Variants in LMAN2 observed in about 807,000 individuals in gnomAD.
The protein encoded by LMAN2 is vesicular integral-membrane protein VIP36.
LMAN2 carries 22 observed loss-of-function variants against 39.3 expected under a neutral mutation model. The ratio of observed to expected loss-of-function variants is 0.56; its 90% CI spans 0.40 to 0.80. The LOEUF (loss-of-function observed/expected upper bound fraction) is 0.80, where lower values mean the gene tolerates loss of function less well. Ranked by LOEUF, LMAN2 falls within the 30% of genes least tolerant of loss-of-function variation. LMAN2 has a pLI of 0.00. For synonymous variants in LMAN2, 207 were observed against 207.8 expected, an observed-to-expected ratio of 1.00 and a Z score of 0.03; for missense variants, 494 against 505.4, an observed-to-expected ratio of 0.98 and a Z score of 0.22.
At chr5:177,347,297 C>T (rs1761650352) in intron 2 of LMAN2, among the ~76,000 whole-genome samples, 2 of 152,044 alleles carry the variant, frequency 1.3e-5, no homozygotes, top group Non-Finnish European at 2.9e-5. Flanking sequence ...AAGGAAAACC[C>T]ACACACCCAT....
chr5:177,344,926 A>G (rs1405293534), intron 2 of LMAN2, among the ~76,000 whole-genome samples: 2 of 150,282 alleles, frequency 1.3e-5, no homozygotes, highest in Non-Finnish European at 2.9e-5. Context: ...AAGAAAAGAA[A>G]AGAAGAGAAA....
chr5:177,339,695 G>A (rs966131328), intron 2 of LMAN2, among the ~76,000 whole-genome samples: 2 of 152,208 alleles, frequency 1.3e-5, no homozygotes, highest in African/African-American at 2.4e-5. Context: ...ATGCAGATGA[G>A]CATGAAGAGA....
intron 6 of LMAN2, among the ~76,000 whole-genome samples, chr5:177,334,805 C>T (rs1292867779): frequency 1.3e-5 from 2 of 152,188 alleles, no homozygotes; most frequent in African/African-American, 2.4e-5. Flanking sequence ...AAAACAGACC[C>T]GGGAAAGACC....
chr5:177,332,859 G>A lies in LMAN2; in HGVS notation c.911-613C>T, dbSNP rs1358001851. Among the ~76,000 whole-genome samples, 1 of 152,182 alleles carries A rather than the reference G, an allele frequency of 6.6e-6. No individual in the cohort carries two copies. The highest frequency in any genetic ancestry group is 1.5e-5 in the Non-Finnish European group (1 of 68,024). ...ACTTTCCCAAGCTCTCCAGGCTGTGGGTGGAGGAGCTGGGGTCTGGCTGGG... is the reference window on the plus strand; with the variant it reads ...ACTTTCCCAAGCTCTCCAGGCTGTGAGTGGAGGAGCTGGGGTCTGGCTGGG... On this transcript the variant is annotated intron_variant, in intron 7 of 7. Transcript: ENST00000303127. This position sits in a 1 kb window ranked among gnomAD's most constrained non-coding sequence, Gnocchi z 6.3.
intron 2 of LMAN2, among the ~76,000 whole-genome samples, chr5:177,339,018 C>T (rs991217098): frequency 1.3e-5 from 2 of 152,370 alleles, no homozygotes; most frequent in Non-Finnish European, 1.5e-5. Flanking sequence ...AAGTATTTTA[C>T]AGGAAAACAA....
At chr5:177,339,085 G>A (rs996099375) in intron 2 of LMAN2, among the ~76,000 whole-genome samples, 6 of 152,190 alleles carry the variant, frequency 3.9e-5, no homozygotes, top group East Asian at 1.9e-4. Context: ...GGACTCACGC[G>A]CAGGGCTTTC....
chr5:177,341,054 CT>C (rs1192615345), intron 2 of LMAN2, among the ~76,000 whole-genome samples: 4 of 127,222 alleles, frequency 3.1e-5, no homozygotes, highest in Non-Finnish European at 4.8e-5. Flanking sequence ...CACGCCCAGC[CT>C]TTTTTTTTCT....
rs769121880 is a variant in LMAN2 at position 177,337,712 on chromosome 5, G to T, written c.507C>A (p.Thr169=). The T allele has an allele frequency of 5.0e-6, 8 of 1,613,858 alleles. No individual in the cohort carries two copies. The highest frequency in any genetic ancestry group is 6.8e-6 in the Non-Finnish European group (8 of 1,179,926). ...GGATAGAGCAGGGGCCTACCTCAGT[G>T]GTCTCATCATTGGGGTAGGTGTCCA... ...IFLDTYPNDE[T]TERVFPYISV... Residue 169 remains threonine (T), a synonymous_variant, in exon 4 of 8, where the codon ACC becomes ACA. Coordinates refer to ENST00000303127, the MANE Select transcript of LMAN2 (RefSeq NM_006816.3). The surrounding 1 kb of genome is among the most constrained non-coding windows in gnomAD (Gnocchi z 8.2).
intron 2 of LMAN2, among the ~76,000 whole-genome samples, chr5:177,347,719 ACAGT>A (rs1452824373): frequency 6.6e-6 from 1 of 152,216 alleles, no homozygotes; most frequent in East Asian, 1.9e-4. Flanking sequence ...GATGTAATCA[ACAGT>A]CAGCCGAAAC....
At chr5:177,344,211 C>T (rs559617853) in intron 2 of LMAN2, among the ~76,000 whole-genome samples, 1 of 151,094 alleles carries the variant, frequency 6.6e-6, no homozygotes, top group African/African-American at 2.4e-5. Context: ...AAGTGAGACC[C>T]CCCCCATCTC....
chr5:177,348,770 G>C (rs1761676865), intron 2 of LMAN2, among the ~76,000 whole-genome samples: 1 of 145,834 alleles, frequency 6.9e-6, no homozygotes. Flanking sequence ...TGTAATTCCA[G>C]CTACTCAGGG....
chr5:177,335,809 G>C (rs1761460842), intron 6 of LMAN2, among the ~76,000 whole-genome samples: 1 of 152,184 alleles, frequency 6.6e-6, no homozygotes, highest in Non-Finnish European at 1.5e-5. Context: ...CCCTGGAATG[G>C]GTCATCCTGA....
Position 177,332,041 on chromosome 5 carries a change from A to T in LMAN2, c.*45T>A. The T allele has an allele frequency of 6.5e-7, 1 of 1,535,102 alleles. No homozygotes were observed. The highest frequency in any genetic ancestry group is 8.8e-7 in the Non-Finnish European group (1 of 1,139,326). On this transcript the variant is annotated 3_prime_UTR_variant, in exon 8 of 8. Coordinates refer to ENST00000303127, the MANE Select transcript of LMAN2 (RefSeq NM_006816.3). This position sits in a 1 kb window ranked among gnomAD's most constrained non-coding sequence, Gnocchi z 6.3. ...ATAATCCCGGTAAAAAAAAAAGTTC[A>T]CATTGGCTCCTGGGCCCAGGGACAG...
intron 2 of LMAN2, 82 bp from the exon 3 acceptor site, chr5:177,338,687 C>T (rs1761511442): frequency 3.7e-6 from 4 of 1,078,424 alleles, no homozygotes; most frequent in Admixed American, 1.7e-5. Flanking sequence ...CGGCCCCTGC[C>T]CCACAGACCT....
In LMAN2 at chr5:177,333,293, G is replaced by A. The variant is rs563327309; in HGVS notation, c.910+991C>T. 1.4e-4 allele frequency among the ~76,000 whole-genome samples: 21 copies of A among 152,344 alleles called. No homozygotes were observed. The East Asian group carries it at 4.1e-3, about 29-fold the overall frequency. On this transcript the variant is annotated intron_variant, in intron 7 of 7. Transcript: ENST00000303127. The stretch of plus-strand genomic sequence containing the variant: ...GTCTCCAGCACCCAGCCCATGGCTA[G>A]GCACAGAGGGCAGCTTTGGTCACAT...
intron 6 of LMAN2, among the ~76,000 whole-genome samples, chr5:177,335,171 C>T (rs1761451368): frequency 6.6e-6 from 1 of 152,218 alleles, no homozygotes; most frequent in Admixed American, 6.5e-5. Context: ...ACCTAATGAG[C>T]AAGAGCTCGG....
intron 2 of LMAN2, among the ~76,000 whole-genome samples, chr5:177,343,709 A>G (rs757533235): frequency 6.6e-6 from 1 of 152,246 alleles, no homozygotes; most frequent in Non-Finnish European, 1.5e-5. Context: ...GTATGCCTCC[A>G]TTTATCATTT....
Position 177,331,989 on chromosome 5 carries a change from G to A in LMAN2, c.*97C>T. 1.6e-6 allele frequency: 2 copies of A among 1,268,264 alleles called. No homozygotes were observed. The highest frequency in any genetic ancestry group is 2.2e-6 in the Non-Finnish European group (2 of 926,718). The allele number at this position is 1,268,264 out of a possible 1,614,324, so 78.6% of individuals were successfully genotyped here. A position where few individuals can be genotyped will look rare whatever the true frequency, so the allele number is the denominator to read the frequency against. ...TTAATCATTTATTTGAAACAGTTAAGAAATAAGGTCATCTTGTTGTTCTTT... is the reference window on the plus strand; with the variant it reads ...TTAATCATTTATTTGAAACAGTTAAAAAATAAGGTCATCTTGTTGTTCTTT... On this transcript the variant is annotated 3_prime_UTR_variant, in exon 8 of 8. Coordinates refer to ENST00000303127, the MANE Select transcript of LMAN2 (RefSeq NM_006816.3).
Position 177,351,652 on chromosome 5 carries a change from C to T in LMAN2, c.-5G>A. On this transcript the variant is annotated 5_prime_UTR_variant, in exon 1 of 8. Coordinates refer to ENST00000303127, the MANE Select transcript of LMAN2 (RefSeq NM_006816.3). Reference sequence around the variant, plus strand: ...AATCCAGCCTTCCGCCGCCATTCTCCTCTCCTCTCGGCCACTTCCGCCCTA... The same window carrying T: ...AATCCAGCCTTCCGCCGCCATTCTCTTCTCCTCTCGGCCACTTCCGCCCTA... 3.2e-6 allele frequency: 5 copies of T among 1,583,120 alleles called. No individual in the cohort carries two copies. Among genetic ancestry groups the T allele is most frequent in the African/African-American group, 2.7e-5 (2 of 73,458 alleles).
Sources: allele counts gnomAD v4.1 joint callset (sites outside exome capture counted in the v4.1 genomes callset), GRCh38; gene constraint gnomAD v4.1.1; non-coding constraint Gnocchi (gnomAD v3.1); transcripts MANE v1.5; gene names NCBI Gene and HGNC (gene_info 2026-07-23, HGNC 2026-07-21).